SORCS1: variants seen among roughly 807,000 people sequenced by gnomAD.
SORCS1 encodes the protein VPS10 domain-containing receptor SorCS1.
SORCS1 carries 60 observed loss-of-function variants against 146.1 expected under a neutral mutation model. The observed-to-expected ratio is 0.41, with a 90% CI of 0.33 to 0.51. The LOEUF is 0.51. Ranked by LOEUF, SORCS1 falls within the 20% of genes least tolerant of loss-of-function variation. The pLI is 0.21. For missense variants in SORCS1, 1,352 were observed against 1,487.6 expected (o/e 0.91, Z 1.50); for synonymous variants, 637 against 584.0 (o/e 1.09, Z -1.31).
chr10:106,684,579 G>C (rs1374459635), intron 10 of SORCS1, among the ~76,000 whole-genome samples: 1 of 152,062 alleles, frequency 6.6e-6, no homozygotes, highest in African/African-American at 2.4e-5. Flanking sequence ...GGCCCTCCAG[G>C]CAATCAGTCT....
chr10:106,761,122 A>G (rs1033933870), intron 5 of SORCS1, among the ~76,000 whole-genome samples: 1 of 152,064 alleles, frequency 6.6e-6, no homozygotes, highest in African/African-American at 2.4e-5. Flanking sequence ...TAAATAAATA[A>G]ATAACAAGGA....
intron 2 of SORCS1, among the ~76,000 whole-genome samples, chr10:106,852,154 A>G (rs1949610940): frequency 1.3e-5 from 2 of 152,204 alleles, no homozygotes; most frequent in African/African-American, 4.8e-5. Context: ...CTTCCTTTTC[A>G]ATCTGTATAA....
chr10:106,762,071 C>T (rs748761754), intron 4 of SORCS1, among the ~76,000 whole-genome samples: 1 of 152,148 alleles, frequency 6.6e-6, no homozygotes, highest in East Asian at 1.9e-4. Flanking sequence ...GTAACCTGAA[C>T]CTGGCTCACA....
chr10:107,098,233 G>A (rs916896385), intron 1 of SORCS1, among the ~76,000 whole-genome samples: 2 of 152,052 alleles, frequency 1.3e-5, no homozygotes, highest in Non-Finnish European at 2.9e-5. Context: ...CCAACTTATC[G>A]ATATTGAACT....
Position 107,164,407 on chromosome 10 carries a change from C to T in SORCS1, c.120G>A (p.Ser40=). 2 of 1,421,916 alleles carry T rather than the reference C, an allele frequency of 1.4e-6. No individual in the cohort carries two copies. The highest frequency in any genetic ancestry group is 1.8e-6 in the Non-Finnish European group (2 of 1,092,506). The allele number at this position is 1,421,916 out of a possible 1,614,324, so 88.1% of individuals were successfully genotyped here. Residue 40 remains serine (S), a synonymous_variant, in exon 1 of 26, where the codon TCG becomes TCA. Transcript: ENST00000263054. The surrounding 1 kb of genome is among the most constrained non-coding windows in gnomAD (Gnocchi z 6.8). ...AGCGTGGAGCGGAGCTGGGGTGCGG[C>T]GAGGGGCAGCAGGAGCCGCCGCCGC... ...GVCGGGSCCP[S]PHPSSAPRSA...
chr10:106,578,807 C>A (rs1449199544), intron 25 of SORCS1: 2 of 1,263,594 alleles, frequency 1.6e-6, no homozygotes, highest in South Asian at 1.8e-5. Flanking sequence ...TTGCTCTTTG[C>A]CCATAAACAT....
rs140510075 is a variant in SORCS1, at chr10:106,579,407, A to G, written c.3333T>C (p.Phe1111=). The change falls in exon 25 of 26, where the codon TTT becomes TTC. Residue 1111 remains phenylalanine (F), a synonymous_variant. Transcript: ENST00000263054. ...SAMLMLLSVV[F]VGLAVFVIYK... is the part of the protein sequence containing the mutation. ...AGATGACGAACACTGCCAGCCCCACAAACACCACTGAGAGCAGCATCAGCA... is the reference window on the plus strand; with the variant it reads ...AGATGACGAACACTGCCAGCCCCACGAACACCACTGAGAGCAGCATCAGCA... 990 of 1,613,928 alleles carry G rather than the reference A, an allele frequency of 6.1e-4. 4 individuals carry two copies. In the African/African-American group the frequency reaches 0.011, roughly 18 times the overall value.
intron 24 of SORCS1, among the ~76,000 whole-genome samples, chr10:106,585,626 T>G (rs1179769538): frequency 6.6e-6 from 1 of 152,214 alleles, no homozygotes; most frequent in Non-Finnish European, 1.5e-5. Flanking sequence ...TGCAATGAGT[T>G]TGAAGCTTGT....
chr10:107,070,698 G>A (rs993995060), intron 1 of SORCS1, among the ~76,000 whole-genome samples: 1 of 152,124 alleles, frequency 6.6e-6, no homozygotes, highest in Admixed American at 6.6e-5. Flanking sequence ...CCTCGTTTGT[G>A]ATTGAACTGT....
chr10:106,647,484 T>C (rs985146391), intron 18 of SORCS1, among the ~76,000 whole-genome samples: 1 of 151,960 alleles, frequency 6.6e-6, no homozygotes, highest in Non-Finnish European at 1.5e-5. Flanking sequence ...AGTGAAAATA[T>C]CATGTGTTTG....
At chr10:107,011,215 C>A (rs1434553287) in intron 1 of SORCS1, among the ~76,000 whole-genome samples, 1 of 152,046 alleles carries the variant, frequency 6.6e-6, no homozygotes, top group East Asian at 1.9e-4. Flanking sequence ...TGTTTTAGAC[C>A]CACTCTCCCT....
rs1554901362 is a variant in SORCS1 at position 106,976,337 on chromosome 10, T to TTTTTTG, written c.559-19758_559-19757insCAAAAA. On this transcript the variant is annotated intron_variant, in intron 1 of 25. Coordinates refer to ENST00000263054, the MANE Select transcript of SORCS1 (RefSeq NM_052918.5). Reference sequence around the variant, plus strand: ...ACTCATCATCTAGGTTTTTTTGTTTTTTTTTTTTTTTTGAGACGGAGTCTC... The same window carrying TTTTTTG: ...ACTCATCATCTAGGTTTTTTTGTTTTTTTTTGTTTTTTTTTTTTGAGACGGAGTCTC... 5.0e-5 allele frequency among the ~76,000 whole-genome samples: 7 copies of TTTTTTG among 140,448 alleles called. No individual in the cohort carries two copies. In the East Asian group the frequency reaches 1.4e-3, roughly 29 times the overall value. The allele number at this position is 140,448 out of a possible 152,430, so 92.1% of individuals were successfully genotyped here. A position where few individuals can be genotyped will look rare whatever the true frequency, so the allele number is the denominator to read the frequency against.
chr10:106,729,375 G>A (rs1856431314), intron 6 of SORCS1, among the ~76,000 whole-genome samples: 1 of 152,026 alleles, frequency 6.6e-6, no homozygotes, highest in East Asian at 1.9e-4. Context: ...TGACAGGTGA[G>A]CAATTCACTC....
chr10:107,124,615 T>C (rs1441501185), intron 1 of SORCS1, among the ~76,000 whole-genome samples: 1 of 152,178 alleles, frequency 6.6e-6, no homozygotes, highest in Non-Finnish European at 1.5e-5. Context: ...CGACGTGATC[T>C]GAGCACTAGT....
intron 3 of SORCS1, among the ~76,000 whole-genome samples, chr10:106,783,563 A>G (rs1259583740): frequency 6.6e-6 from 1 of 152,246 alleles, no homozygotes; most frequent in African/African-American, 2.4e-5. Flanking sequence ...AATATTGCCT[A>G]GATGAAAAAA....
chr10:106,678,111 C>T (rs373040595), intron 12 of SORCS1, among the ~76,000 whole-genome samples: 7 of 152,164 alleles, frequency 4.6e-5, no homozygotes, highest in Non-Finnish European at 7.4e-5. Flanking sequence ...GCTGTTTTCT[C>T]GTCAGATTAT....
At chr10:107,118,072 C>G (rs1035022234) in intron 1 of SORCS1, among the ~76,000 whole-genome samples, 7 of 152,042 alleles carry the variant, frequency 4.6e-5, no homozygotes, top group African/African-American at 1.2e-4. Flanking sequence ...AACCTTATCC[C>G]CAGTGCAATG....
intron 8 of SORCS1, among the ~76,000 whole-genome samples, chr10:106,706,056 C>T (rs967136736): frequency 1.3e-5 from 2 of 152,104 alleles, no homozygotes; most frequent in Non-Finnish European, 2.9e-5. Flanking sequence ...TGCACTGATA[C>T]ATAACACATC....
chr10:106,628,011 T>C (rs998023527), intron 19 of SORCS1, among the ~76,000 whole-genome samples: 1 of 152,214 alleles, frequency 6.6e-6, no homozygotes, highest in African/African-American at 2.4e-5. Flanking sequence ...AGAAGTGAGA[T>C]AACATATATT....
Sources: gnomAD v4.1 joint callset for allele counts (sites outside exome capture counted in the v4.1 genomes callset) on GRCh38, gnomAD v4.1.1 for gene constraint, Gnocchi (gnomAD v3.1) non-coding constraint, MANE v1.5 for transcripts, NCBI Gene and HGNC (gene_info 2026-07-23, HGNC 2026-07-21) for gene names.